PTBP1: variants seen among roughly 807,000 people sequenced by gnomAD.
PTBP1 encodes polypyrimidine tract binding protein 1, also known as polypyrimidine tract-binding protein 1.
Under a neutral mutation model 59.8 loss-of-function variants are expected in PTBP1, and 8 were observed. That is an observed-to-expected ratio of 0.13 (90% CI 0.08 to 0.24). PTBP1 has a LOEUF of 0.24. PTBP1 is among the 10% of genes least tolerant of loss of function. The pLI, the probability that PTBP1 is intolerant of heterozygous loss-of-function variation, is 1.00. For missense variants in PTBP1, 686 were observed against 767.0 expected, an observed-to-expected ratio of 0.89 and a Z score of 1.25; for synonymous variants, 490 against 320.7, an observed-to-expected ratio of 1.53 and a Z score of -5.64.
At position 804,545 on chromosome 19, in the gene PTBP1, C is replaced by T; in HGVS notation, c.449C>T (p.Ala150Val). The stretch of plus-strand genomic sequence containing the variant: ...TGCCTCCCACAGCGGGCCCAGGCGG[C>T]CCTGCAGGCGGTGAACTCGGTCCAG... ...SSPNQARAQAALQAVNSVQSG... is the reference protein window; with the variant it reads ...SSPNQARAQAVLQAVNSVQSG... The change falls in exon 6 of 15, where the codon GCC becomes GTC. Residue 150 changes from alanine to valine, a missense_variant. By Grantham distance (64) the Ala-to-Val change is moderately conservative. Coordinates refer to ENST00000356948, the MANE Select transcript of PTBP1 (RefSeq NM_002819.5). The T allele has an allele frequency of 6.2e-7, 1 of 1,604,394 alleles. No individual in the cohort carries two copies.
chr19:803,545 G>T lies in PTBP1; in HGVS notation c.40-16G>T. On this transcript the variant is annotated splice_polypyrimidine_tract_variant and intron_variant, in intron 2 of 14. Coordinates refer to ENST00000356948, the MANE Select transcript of PTBP1 (RefSeq NM_002819.5). Reference sequence around the variant, plus strand: ...CTGGTGGGAAGTGCAGCTCCGCGTTGTCCCTTCTCTTGCAGCGGGGATCTG... The same window carrying T: ...CTGGTGGGAAGTGCAGCTCCGCGTTTTCCCTTCTCTTGCAGCGGGGATCTG... 6.2e-7 allele frequency: 1 copy of T among 1,611,600 alleles called. No individual in the cohort carries two copies. Among genetic ancestry groups the T allele is most frequent in the South Asian group, 1.1e-5 (1 of 91,026 alleles).
At position 808,234 on chromosome 19, in the gene PTBP1, G is replaced by C. The variant is rs1016429108; in HGVS notation, c.1154-126G>C. ...TGTGGCTGCGAGACGCAGCTCCGCA[G>C]TGGCCGATAAAGCAAACCCGGCCGG... On this transcript the variant is annotated intron_variant, in intron 11 of 14. Transcript: ENST00000356948. This position sits in a 1 kb window ranked among gnomAD's most constrained non-coding sequence, Gnocchi z 4.7. 1 of 793,306 alleles carries C rather than the reference G, an allele frequency of 1.3e-6. No individual in the cohort carries two copies. Among genetic ancestry groups the C allele is most frequent in the Non-Finnish European group, 2.1e-6 (1 of 477,260 alleles). 49.1% of individuals were successfully genotyped at this position (793,306 alleles called of 1,614,324 possible).
intron 2 of PTBP1, among the ~76,000 whole-genome samples, chr19:801,010 A>AC (rs549457234): frequency 1.0e-4 from 14 of 140,634 alleles, no homozygotes; most frequent in South Asian, 2.4e-4. Flanking sequence ...CCCAGATGAT[A>AC]CCCCCCCTCC....
intron 10 of PTBP1, chr19:807,544 C>G (rs1307192225): frequency 3.1e-5 from 11 of 356,126 alleles, no homozygotes; most frequent in Non-Finnish European, 2.5e-5. Flanking sequence ...TACTTTTTTT[C>G]TTTTCTCCCC....
rs374567155 is a variant in PTBP1, at chr19:803,625, C to G, written c.104C>G (p.Ser35Trp). The change falls in exon 3 of 15, where the codon TCG (serine) becomes TGG (tryptophan). Residue 35 changes from serine to tryptophan, a missense_variant. Physicochemically the swap from Ser to Trp is radical, Grantham distance 177 (BLOSUM62 -3). Coordinates refer to ENST00000356948, the MANE Select transcript of PTBP1 (RefSeq NM_002819.5). ...TNGPFIMSSN[S>W]ASAANGNDSK... ...GGACCGTTTATCATGAGCAGCAACT[C>G]GGCTTCTGCAGGTAAGGCCGGGACT... is the stretch of plus-strand genomic sequence containing the variant. 2 of 1,614,112 alleles carry G rather than the reference C, an allele frequency of 1.2e-6. No homozygotes were observed. The highest frequency in any genetic ancestry group is 8.5e-7 in the Non-Finnish European group (1 of 1,179,968).
At position 804,446 on chromosome 19, in the gene PTBP1, G is replaced by T; in HGVS notation, c.435+8G>T. The T allele has an allele frequency of 6.2e-7, 1 of 1,608,634 alleles. No individual in the cohort carries two copies. ...AGCTCTCCCAACCAGGCGGTGCGTGGCCCCGCGGCGGACCCCAGCAGCCCG... is the reference window on the plus strand; with the variant it reads ...AGCTCTCCCAACCAGGCGGTGCGTGTCCCCGCGGCGGACCCCAGCAGCCCG... On this transcript the variant is annotated splice_region_variant and intron_variant, in intron 5 of 14. Coordinates refer to ENST00000356948, the MANE Select transcript of PTBP1 (RefSeq NM_002819.5).
At chr19:801,418 A>T (rs945966565) in intron 2 of PTBP1, among the ~76,000 whole-genome samples, 3 of 152,242 alleles carry the variant, frequency 2.0e-5, no homozygotes, top group African/African-American at 4.8e-5. Context: ...GTTGTGGGCA[A>T]TGCCAGGCCA....
chr19:804,555 G>A lies in PTBP1; in HGVS notation c.459G>A (p.Ala153=), dbSNP rs145074159. The A allele has an allele frequency of 1.9e-4, 299 of 1,606,702 alleles. No individual in the cohort carries two copies. Among genetic ancestry groups the A allele is most frequent in the African/African-American group, 3.2e-4 (24 of 74,988 alleles). ...NQARAQAALQ[A]VNSVQSGNLA... ...AGCGGGCCCAGGCGGCCCTGCAGGC[G>A]GTGAACTCGGTCCAGTCGGGGAACC... The change falls in exon 6 of 15, where the codon GCG becomes GCA. Residue 153 remains alanine (A), a synonymous_variant. Coordinates refer to ENST00000356948, the MANE Select transcript of PTBP1 (RefSeq NM_002819.5).
rs1195547428 is a variant in PTBP1, at chr19:804,380, T to C, written c.377T>C (p.Ile126Thr). ...SVTPVLRGQP[I>T]YIQFSNHKEL... is the part of the protein sequence containing the mutation. ...ACCCCTGTGCTGCGCGGCCAGCCCA[T>C]CTACATCCAGTTCTCCAACCACAAG... The change falls in exon 5 of 15, where the codon ATC becomes ACC. Residue 126 changes from isoleucine to threonine, a missense_variant. Physicochemically the swap from Ile to Thr is moderately conservative, Grantham distance 89. Coordinates refer to ENST00000356948, the MANE Select transcript of PTBP1 (RefSeq NM_002819.5). 1.2e-6 allele frequency: 2 copies of C among 1,612,800 alleles called. No individual in the cohort carries two copies. Among genetic ancestry groups the C allele is most frequent in the Non-Finnish European group, 1.7e-6 (2 of 1,180,012 alleles).
chr19:809,280 A>G (rs1682978501), intron 13 of PTBP1, among the ~76,000 whole-genome samples: 1 of 151,822 alleles, frequency 6.6e-6, no homozygotes, highest in South Asian at 2.1e-4. Flanking sequence ...GTGCTGGGAT[A>G]CAGGCGTGAG....
chr19:802,338 G>A (rs1049124882), intron 2 of PTBP1, among the ~76,000 whole-genome samples: 8 of 152,134 alleles, frequency 5.3e-5, no homozygotes, highest in African/African-American at 2.4e-5. Flanking sequence ...GAGGGGAGGC[G>A]GCCTTAAGAG....
rs1199548001 is a variant in PTBP1, at chr19:808,677, C to A, written c.1378C>A (p.Pro460Thr). The change falls in exon 13 of 15, where the codon CCC becomes ACC. Residue 460 changes from proline to threonine, a missense_variant. Transcript: ENST00000356948. This position sits in a 1 kb window ranked among gnomAD's most constrained non-coding sequence, Gnocchi z 4.7. The stretch of plus-strand genomic sequence containing the variant: ...CCTGACCAAGGACTACGGCAACTCA[C>A]CCCTGCACCGCTTCAAGAAGCCGGG... ...QGLTKDYGNS[P>T]LHRFKKPGSK... 3.1e-6 allele frequency: 5 copies of A among 1,612,884 alleles called. No homozygotes were observed. The highest frequency in any genetic ancestry group is 4.2e-6 in the Non-Finnish European group (5 of 1,179,960).
intron 2 of PTBP1, among the ~76,000 whole-genome samples, chr19:800,612 T>A (rs1169436836): frequency 6.6e-6 from 1 of 152,232 alleles, no homozygotes; most frequent in Non-Finnish European, 1.5e-5. Context: ...TCAGCAGTGG[T>A]GCCTGGGCCA....
At chr19:810,463 G>C in intron 13 of PTBP1, 80 bp from the exon 14 acceptor site, 1 of 1,255,172 alleles carries the variant, frequency 8.0e-7, no homozygotes, top group Non-Finnish European at 1.1e-6. Context: ...CTGAAAACTA[G>C]TCTGGGGAAA....
In PTBP1 at chr19:808,574, G is replaced by T. The variant is rs1408086071; in HGVS notation, c.1275G>T (p.Leu425=). The T allele has an allele frequency of 2.5e-6, 4 of 1,601,466 alleles. No individual in the cohort carries two copies. Among genetic ancestry groups the T allele is most frequent in the Non-Finnish European group, 3.4e-6 (4 of 1,175,934 alleles). ...LAMSHLNGHK[L]HGKPIRITLS... ...TGAGCCACCTGAACGGGCACAAGCT[G>T]CACGGGAAGCCCATCCGCATCACGC... The change falls in exon 13 of 15, where the codon CTG becomes CTT. Residue 425 remains leucine (L), a synonymous_variant. Transcript: ENST00000356948. The surrounding 1 kb of genome is among the most constrained non-coding windows in gnomAD (Gnocchi z 4.7).
chr19:798,799 C>A (rs959456709), intron 1 of PTBP1, among the ~76,000 whole-genome samples: 2 of 152,254 alleles, frequency 1.3e-5, no homozygotes, highest in Non-Finnish European at 2.9e-5. Flanking sequence ...TATCCACCTT[C>A]CCCCCGGGGT....
chr19:803,938 G>C (rs1281162168), intron 3 of PTBP1, 98 bp from the exon 4 acceptor site: 2 of 1,402,676 alleles, frequency 1.4e-6, no homozygotes, highest in Admixed American at 3.6e-5. Flanking sequence ...GCTCAGGGTT[G>C]GTCTCCGTAG....
At chr19:810,176 G>A (rs1208657899) in intron 13 of PTBP1, among the ~76,000 whole-genome samples, 2 of 152,180 alleles carry the variant, frequency 1.3e-5, no homozygotes, top group African/African-American at 2.4e-5. Context: ...GCATGGTGTT[G>A]CGTGCCTGTA....
chr19:797,788 C>T (rs1237987166), intron 1 of PTBP1, among the ~76,000 whole-genome samples: 1 of 148,638 alleles, frequency 6.7e-6, no homozygotes, highest in Admixed American at 6.7e-5. Flanking sequence ...CGCGCGCGTC[C>T]CCGCACTTCG....
Sources: gnomAD v4.1 joint callset for allele counts (sites outside exome capture counted in the v4.1 genomes callset) on GRCh38, gnomAD v4.1.1 for gene constraint, Gnocchi (gnomAD v3.1) non-coding constraint, MANE v1.5 for transcripts, NCBI Gene and HGNC (gene_info 2026-07-23, HGNC 2026-07-21) for gene names.